The following SNAPC3 variants were observed in gnomAD, a reference collection of about 807,000 sequenced individuals.
SNAPC3 encodes the protein snRNA-activating protein complex subunit 3.
Under a neutral mutation model 47.7 loss-of-function variants are expected in SNAPC3, and 56 were observed. The observed-to-expected ratio is 1.18, with a 90% CI of 0.95 to 1.47. SNAPC3 has a LOEUF of 1.47. Among genes scored for constraint, SNAPC3 ranks in the 40% most tolerant of loss-of-function variants. The pLI, the probability that SNAPC3 is intolerant of heterozygous loss-of-function variation, is 0.00. For missense variants in SNAPC3, 665 were observed against 511.3 expected (o/e 1.30, Z -2.90); for synonymous variants, 235 against 189.9 (o/e 1.24, Z -1.95).
In SNAPC3 at chr9:15,461,431, C is replaced by G. The variant is rs116192762; in HGVS notation, c.*1565C>G. The G allele has an allele frequency of 0.049, 7,391 of 152,246 alleles. 603 individuals are homozygous for G. Among genetic ancestry groups the G allele is most frequent in the African/African-American group, 0.17 (7,072 of 41,512 alleles). 9.4% of individuals were successfully genotyped at this position (152,246 alleles called of 1,614,324 possible). ...TCCGCCTTGGCCTCCCAGAGTGCTGCGATTACAGGCATGAACCACAGCGCC... is the reference window on the plus strand; with the variant it reads ...TCCGCCTTGGCCTCCCAGAGTGCTGGGATTACAGGCATGAACCACAGCGCC... On this transcript the variant is annotated 3_prime_UTR_variant, in exon 9 of 9. Coordinates refer to ENST00000380821, the MANE Select transcript of SNAPC3 (RefSeq NM_001039697.2).
At chr9:15,448,841 G>T (rs1016005193) in intron 5 of SNAPC3, among the ~76,000 whole-genome samples, 3 of 151,864 alleles carry the variant, frequency 2.0e-5, no homozygotes, top group Admixed American at 1.3e-4. Flanking sequence ...TTTGGATGGG[G>T]CTCTGTTGCC....
intron 6 of SNAPC3, among the ~76,000 whole-genome samples, chr9:15,452,033 AG>A (rs1320250977): frequency 7.9e-5 from 12 of 151,920 alleles, no homozygotes; most frequent in Non-Finnish European, 1.5e-4. Flanking sequence ...GCACGATCTC[AG>A]CTCACTGCAG....
At chr9:15,465,966 G>C (rs1251419762), downstream of SNAPC3, 2 of 165,004 alleles carry the variant, frequency 1.2e-5, no homozygotes, top group Non-Finnish European at 2.6e-5. Flanking sequence ...TAGACAACAA[G>C]ATTTCCCTCA....
At chr9:15,434,657 C>G (rs998186967) in intron 3 of SNAPC3, among the ~76,000 whole-genome samples, 1 of 152,118 alleles carries the variant, frequency 6.6e-6, no homozygotes, top group Non-Finnish European at 1.5e-5. Context: ...CTGCCTACTT[C>G]GGCCTCCCAA....
At chr9:15,455,170 G>A (rs1587394595) in intron 7 of SNAPC3, among the ~76,000 whole-genome samples, 1 of 152,256 alleles carries the variant, frequency 6.6e-6, no homozygotes, top group Non-Finnish European at 1.5e-5. Context: ...TGCCCCTAGG[G>A]AAGAAGAATG....
downstream of SNAPC3, chr9:15,465,225 C>T: frequency 3.3e-6 from 1 of 301,566 alleles, no homozygotes; most frequent in East Asian, 5.2e-5. Flanking sequence ...CTATCAATTA[C>T]ACATTAACAT....
intron 7 of SNAPC3, among the ~76,000 whole-genome samples, chr9:15,454,793 G>T (rs925828627): frequency 7.2e-5 from 11 of 152,174 alleles, no homozygotes; most frequent in African/African-American, 2.2e-4. Flanking sequence ...AATTAGCCAG[G>T]CGTGGTGGTG....
intron 3 of SNAPC3, among the ~76,000 whole-genome samples, chr9:15,443,375 C>A (rs927991351): frequency 6.6e-6 from 1 of 152,100 alleles, no homozygotes; most frequent in Admixed American, 6.5e-5. Context: ...TCCATACTTT[C>A]CTCTTTTTTT....
rs114559591 is a variant in SNAPC3 at position 15,436,320 on chromosome 9, C to T, written c.477+2684C>T. Among the ~76,000 whole-genome samples, 664 of 152,312 alleles carry T rather than the reference C, an allele frequency of 4.4e-3. 3 individuals carry two copies. The highest frequency in any genetic ancestry group is 0.015 in the African/African-American group (639 of 41,570). ...TTCTAGGAGTTTTATAGCTTTAGCT[C>T]ATAAGTTTGTCTTTGATCCACTTTG... On this transcript the variant is annotated intron_variant, in intron 3 of 8. Coordinates refer to ENST00000380821, the MANE Select transcript of SNAPC3 (RefSeq NM_001039697.2).
At chr9:15,424,871 A>G (rs1014897775) in intron 2 of SNAPC3, among the ~76,000 whole-genome samples, 2 of 152,164 alleles carry the variant, frequency 1.3e-5, no homozygotes, top group Non-Finnish European at 2.9e-5. Flanking sequence ...GTTTTCTTTC[A>G]TAATAACTGC....
chr9:15,456,164 A>T (rs1203253422), intron 7 of SNAPC3, among the ~76,000 whole-genome samples: 1 of 150,292 alleles, frequency 6.7e-6, no homozygotes, highest in African/African-American at 2.5e-5. Context: ...GTGAGCCACC[A>T]TGCCAGGCCT....
chr9:15,428,681 A>G (rs1587164868), intron 2 of SNAPC3, among the ~76,000 whole-genome samples: 2 of 152,156 alleles, frequency 1.3e-5, no homozygotes, highest in South Asian at 2.1e-4. Flanking sequence ...TGATGAAACA[A>G]AGGGAAGAAA....
At chr9:15,466,710 TA>T, downstream of SNAPC3, 2 of 1,501,084 alleles carry the variant, frequency 1.3e-6, no homozygotes, top group Non-Finnish European at 1.8e-6. Context: ...ACCTGAATAA[TA>T]AAAAACACAC....
chr9:15,454,200 A>C (rs959819595), intron 7 of SNAPC3, among the ~76,000 whole-genome samples: 1 of 151,884 alleles, frequency 6.6e-6, no homozygotes, highest in Non-Finnish European at 1.5e-5. Context: ...GCTGCATTCC[A>C]GCCTGGGTGA....
chr9:15,437,826 A>T (rs1021423441), intron 3 of SNAPC3, among the ~76,000 whole-genome samples: 1 of 152,158 alleles, frequency 6.6e-6, no homozygotes, highest in African/African-American at 2.4e-5. Context: ...AAAGTTGGAA[A>T]ATTCACAAAA....
At chr9:15,447,029 A>G (rs2033983809) in intron 4 of SNAPC3, 66 bp from the exon 5 acceptor site, 3 of 1,370,420 alleles carry the variant, frequency 2.2e-6, no homozygotes, top group Non-Finnish European at 3.1e-6. Flanking sequence ...TGATCTAGTC[A>G]TGACAGGATT....
At chr9:15,440,604 G>C (rs1587272364) in intron 3 of SNAPC3, among the ~76,000 whole-genome samples, 1 of 152,142 alleles carries the variant, frequency 6.6e-6, no homozygotes, top group African/African-American at 2.4e-5. Context: ...GGCAGAAGGA[G>C]CACTTGATCC....
chr9:15,458,773 G>A (rs1037188743), intron 8 of SNAPC3, among the ~76,000 whole-genome samples: 2 of 151,952 alleles, frequency 1.3e-5, no homozygotes, highest in African/African-American at 4.8e-5. Context: ...AAAAAAATCT[G>A]AAAGCCACTC....
At position 15,442,705 on chromosome 9, in the gene SNAPC3, G is replaced by T. The variant is rs891217293; in HGVS notation, c.478-1897G>T. On this transcript the variant is annotated intron_variant, in intron 3 of 8. Transcript: ENST00000380821. ...TCCCAGACTGGGCAGCCAGGCAGAG[G>T]GGCTCCTCACATCCCAGACGATGGG... Among the ~76,000 whole-genome samples, 14 of 151,854 alleles carry T rather than the reference G, an allele frequency of 9.2e-5. No homozygotes were observed. In the South Asian group the frequency reaches 1.7e-3, roughly 18 times the overall value.
Sources: allele counts gnomAD v4.1 joint callset (sites outside exome capture counted in the v4.1 genomes callset), GRCh38; gene constraint gnomAD v4.1.1; transcripts MANE v1.5; gene names NCBI Gene and HGNC (gene_info 2026-07-23, HGNC 2026-07-21).